Variants in TRPV2 observed in about 807,000 individuals in gnomAD.
TRPV2 encodes OTRPC2.
Under a neutral mutation model 91.0 loss-of-function variants are expected in TRPV2, and 58 were observed. The observed-to-expected ratio is 0.64, with a 90% confidence interval of 0.52 to 0.79. The LOEUF (loss-of-function observed/expected upper bound fraction) is 0.79. TRPV2 is among the 30% of genes least tolerant of loss of function. The pLI, the probability that TRPV2 is intolerant of heterozygous loss-of-function variation, is 0.00. For synonymous variants in TRPV2, 417 were observed against 414.8 expected (o/e 1.01, Z -0.06); for missense variants, 807 against 969.6 (o/e 0.83, Z 2.23).
chr17:16,423,860 A>T, intron 5 of TRPV2, 93 bp downstream of exon 5: 1 of 1,293,608 alleles, frequency 7.7e-7, no homozygotes, highest in South Asian at 1.6e-5. Flanking sequence ...GGTGGTGAAG[A>T]GCAGTGGCTT....
At position 16,417,885 on chromosome 17, in the gene TRPV2, G is replaced by T; in HGVS notation, c.200+17G>T. 1 of 1,611,354 alleles carries T rather than the reference G, an allele frequency of 6.2e-7. No individual in the cohort carries two copies. The highest frequency in any genetic ancestry group is 1.1e-5 in the South Asian group (1 of 90,694). ...AGGTGCCAGGTGAGACAGCAAGTGG[G>T]GGCAGGGCAAAGGGGGCCCCCTGCC... is the stretch of plus-strand genomic sequence containing the variant. On this transcript the variant is annotated intron_variant, in intron 2 of 14. Coordinates refer to ENST00000338560, the MANE Select transcript of TRPV2 (RefSeq NM_016113.5).
Position 16,435,058 on chromosome 17 carries a change from C to G in TRPV2, c.2194+89C>G. On this transcript the variant is annotated intron_variant, in intron 14 of 14. Coordinates refer to ENST00000338560, the MANE Select transcript of TRPV2 (RefSeq NM_016113.5). This position sits in a 1 kb window ranked among gnomAD's most constrained non-coding sequence, Gnocchi z 4.2. ...GCCTTGGAGAGTCTGGGGCAGGACC[C>G]AGAGACCTCCTCATAGTCCCTTTGC... is the stretch of plus-strand genomic sequence containing the variant. The G allele has an allele frequency of 2.8e-6, 3 of 1,079,076 alleles. No individual in the cohort carries two copies. The highest frequency in any genetic ancestry group is 4.0e-6 in the Non-Finnish European group (3 of 758,688). 66.8% of individuals were successfully genotyped at this position (1,079,076 alleles called of 1,614,324 possible). A position where few individuals can be genotyped will look rare whatever the true frequency, so the allele number is the denominator to read the frequency against.
At chr17:16,431,256 C>CATATATATATATATATAT (rs60066961) in intron 10 of TRPV2, among the ~76,000 whole-genome samples, 9 of 67,800 alleles carry the variant, frequency 1.3e-4, no homozygotes, top group African/African-American at 5.5e-4. Flanking sequence ...TGATCTGAGA[C>CATATATATATATATATAT]ATATATATAT....
intron 12 of TRPV2, among the ~76,000 whole-genome samples, chr17:16,432,997 G>T (rs988614990): frequency 1.3e-5 from 2 of 150,284 alleles, no homozygotes; most frequent in African/African-American, 5.0e-5. Context: ...TAGAGATAAG[G>T]TTTCACCATG....
rs1419589412 is a variant in TRPV2, at chr17:16,426,225, G to A, written c.1051G>A (p.Glu351Lys). Reference protein sequence around the residue: ...YDLASVDSCEENSVLEIIAFH... With the variant: ...YDLASVDSCEKNSVLEIIAFH... ...CCTGGCTTCTGTGGACAGCTGTGAG[G>A]AGAACTCAGTGCTGGAGATCATTGC... Residue 351 changes from glutamate (E) to lysine (K), a missense_variant, in exon 6 of 15, where the codon GAG (glutamate) becomes AAG (lysine). By Grantham distance (56) the Glu-to-Lys change is moderately conservative (BLOSUM62 1). Coordinates refer to ENST00000338560, the MANE Select transcript of TRPV2 (RefSeq NM_016113.5). This position sits in a 1 kb window ranked among gnomAD's most constrained non-coding sequence, Gnocchi z 6.0. 1.2e-6 allele frequency: 2 copies of A among 1,614,218 alleles called. No individual in the cohort carries two copies. The highest frequency in any genetic ancestry group is 3.3e-5 in the Admixed American group (2 of 60,020).
At chr17:16,421,037 A>T (rs1038215827) in intron 3 of TRPV2, among the ~76,000 whole-genome samples, 15 of 152,200 alleles carry the variant, frequency 9.9e-5, no homozygotes, top group African/African-American at 2.9e-4. Context: ...ATTTCAGTAC[A>T]TGTCTAACTT....
rs2093384097 is a variant in TRPV2, at chr17:16,426,556, G to A, written c.1096-166G>A. ...GGAGGGCAAGCCCCTTAGTCACACT[G>A]TAGCTGGGAGGGTTGGCGTGAGGTC... On this transcript the variant is annotated intron_variant, in intron 6 of 14. Coordinates refer to ENST00000338560, the MANE Select transcript of TRPV2 (RefSeq NM_016113.5). This position sits in a 1 kb window ranked among gnomAD's most constrained non-coding sequence, Gnocchi z 6.0. 1.3e-5 allele frequency among the ~76,000 whole-genome samples: 2 copies of A among 152,218 alleles called. No homozygotes were observed. Among genetic ancestry groups the A allele is most frequent in the African/African-American group, 4.8e-5 (2 of 41,450 alleles).
At position 16,426,222 on chromosome 17, in the gene TRPV2, G is replaced by C; in HGVS notation, c.1048G>C (p.Glu350Gln). 1.9e-6 allele frequency: 3 copies of C among 1,614,196 alleles called. No individual in the cohort carries two copies. The highest frequency in any genetic ancestry group is 2.5e-6 in the Non-Finnish European group (3 of 1,180,046). The change falls in exon 6 of 15, where the codon GAG (glutamate) becomes CAG (glutamine). Residue 350 changes from glutamate (E) to glutamine (Q), a missense_variant. Glu to Gln is a conservative substitution (Grantham distance 29). Coordinates refer to ENST00000338560, the MANE Select transcript of TRPV2 (RefSeq NM_016113.5). The surrounding 1 kb of genome is among the most constrained non-coding windows in gnomAD (Gnocchi z 6.0). ...LYDLASVDSC[E>Q]ENSVLEIIAF... ...TGACCTGGCTTCTGTGGACAGCTGT[G>C]AGGAGAACTCAGTGCTGGAGATCAT... is the stretch of plus-strand genomic sequence containing the variant.
chr17:16,423,849 G>A (rs1311565196), intron 5 of TRPV2, 82 bp downstream of exon 5: 1 of 1,405,368 alleles, frequency 7.1e-7, no homozygotes, highest in Non-Finnish European at 9.4e-7. Flanking sequence ...AGAACCCAGG[G>A]GGTGGTGAAG....
intron 8 of TRPV2, 41 bp from the exon 9 acceptor site, chr17:16,428,276 A>G: frequency 1.2e-6 from 2 of 1,601,598 alleles, no homozygotes; most frequent in Non-Finnish European, 1.7e-6. Flanking sequence ...GGCATGCGGG[A>G]GAGCAGGTTT....
chr17:16,425,085 C>T (rs964002938), intron 5 of TRPV2, among the ~76,000 whole-genome samples: 2 of 137,534 alleles, frequency 1.5e-5, no homozygotes, highest in East Asian at 2.1e-4. Context: ...AGTACAATGG[C>T]GCGATCTCGG....
At position 16,419,516 on chromosome 17, in the gene TRPV2, C is replaced by T. The variant is rs4792740; in HGVS notation, c.201-599C>T. 6.5e-3 allele frequency: 2,773 copies of T among 423,866 alleles called. 60 individuals carry two copies. Among genetic ancestry groups the T allele is most frequent in the African/African-American group, 0.049 (2,346 of 47,780 alleles). The allele number at this position is 423,866 out of a possible 1,614,324, so 26.3% of individuals were successfully genotyped here. On this transcript the variant is annotated intron_variant, in intron 2 of 14. Transcript: ENST00000338560. ...AGCCCTGCTGAGATTCCCAGTTTGG[C>T]GCTGTGTGACTTTGGCAAGTTACAT...
At chr17:16,431,293 T>TATATATATA (rs1568919199) in intron 10 of TRPV2, among the ~76,000 whole-genome samples, 12 of 44,966 alleles carry the variant, frequency 2.7e-4, no homozygotes, top group African/African-American at 1.1e-3. Context: ...ATATACATAT[T>TATATATATA]TTTTTTTTTT....
Position 16,436,871 on chromosome 17 carries a change from G to T in TRPV2, c.2277G>T (p.Gln759His). The T allele has an allele frequency of 1.2e-6, 2 of 1,614,068 alleles. No homozygotes were observed. The highest frequency in any genetic ancestry group is 1.7e-6 in the Non-Finnish European group (2 of 1,179,940). ...GASEENYVPV[Q>H]LLQSN ...CTGAGGAAAACTATGTGCCCGTCCA[G>T]CTCCTCCAGTCCAACTGATGGCCCA... Residue 759 changes from glutamine to histidine, a missense_variant, in exon 15 of 15, where the codon CAG becomes CAT. Transcript: ENST00000338560.
rs147612597 is a variant in TRPV2 at position 16,423,649 on chromosome 17, T to G, written c.806T>G (p.Met269Arg). The change falls in exon 5 of 15, where the codon ATG becomes AGG. Residue 269 changes from methionine (M) to arginine (R), a missense_variant. Transcript: ENST00000338560. Reference protein sequence around the residue: ...SAENIALVTSMYDGLLQAGAR... With the variant: ...SAENIALVTSRYDGLLQAGAR... ...GAGAACATTGCACTGGTGACCAGCA[T>G]GTATGATGGGCTCCTCCAAGCTGGG... The G allele has an allele frequency of 6.2e-7, 1 of 1,614,066 alleles. No individual in the cohort carries two copies. Among genetic ancestry groups the G allele is most frequent in the Admixed American group, 1.7e-5 (1 of 60,010 alleles).
Position 16,426,664 on chromosome 17 carries a change from G to A in TRPV2, c.1096-58G>A. The A allele has an allele frequency of 1.3e-6, 2 of 1,564,700 alleles. No individual in the cohort carries two copies. The highest frequency in any genetic ancestry group is 1.2e-5 in the South Asian group (1 of 83,246). The stretch of plus-strand genomic sequence containing the variant: ...GCCCTTGCTTTGATCTTGACATGGA[G>A]TGGGCAGCCTATTTGCACTTGTTGA... On this transcript the variant is annotated intron_variant, in intron 6 of 14. Coordinates refer to ENST00000338560, the MANE Select transcript of TRPV2 (RefSeq NM_016113.5). This position sits in a 1 kb window ranked among gnomAD's most constrained non-coding sequence, Gnocchi z 6.0.
At chr17:16,429,823 CT>C (rs796472570) in intron 10 of TRPV2, among the ~76,000 whole-genome samples, 489 of 136,494 alleles carry the variant, frequency 3.6e-3, no homozygotes, top group Admixed American at 3.9e-3. Flanking sequence ...TCCCCAGAGG[CT>C]TTTTTTTTTT....
At chr17:16,431,690 C>A in intron 10 of TRPV2, 94 bp from the exon 11 acceptor site, 1 of 1,144,756 alleles carries the variant, frequency 8.7e-7, no homozygotes, top group Non-Finnish European at 1.3e-6. Flanking sequence ...GTGCAGTGTA[C>A]ACGGGAACCA....
intron 8 of TRPV2, 25 bp from the exon 9 acceptor site, chr17:16,428,292 C>A (rs377437337): frequency 1.2e-6 from 2 of 1,612,898 alleles, no homozygotes; most frequent in East Asian, 2.2e-5. Flanking sequence ...GGTTTCACAG[C>A]CCTCTGTCCT....
Sources: allele counts gnomAD v4.1 joint callset (sites outside exome capture counted in the v4.1 genomes callset), GRCh38; gene constraint gnomAD v4.1.1; non-coding constraint Gnocchi (gnomAD v3.1); transcripts MANE v1.5; gene names NCBI Gene and HGNC (gene_info 2026-07-23, HGNC 2026-07-21).